Variants in CDH12 observed in about 807,000 individuals in gnomAD.
CDH12 encodes cadherin 12.
CDH12 carries 41 observed loss-of-function variants against 74.1 expected under a neutral mutation model. The ratio of observed to expected loss-of-function variants is 0.55; its 90% CI spans 0.43 to 0.72. The LOEUF (loss-of-function observed/expected upper bound fraction) is 0.72, where lower values mean the gene tolerates loss of function less well. CDH12 is among the 30% of genes least tolerant of loss of function. The probability of loss-of-function intolerance (pLI) is 0.00; values close to 1 mark genes in which losing one functional copy is unlikely to be tolerated. For synonymous variants in CDH12, 399 were observed against 355.0 expected (o/e 1.12, Z -1.39); for missense variants, 945 against 977.2 (o/e 0.97, Z 0.44).
At chr5:22,831,888 C>G (rs763507554) in intron 1 of CDH12, among the ~76,000 whole-genome samples, 3 of 151,880 alleles carry the variant, frequency 2.0e-5, no homozygotes, top group Admixed American at 6.6e-5. Flanking sequence ...CAAAGCAAGA[C>G]TCTGTCCCCC....
At chr5:22,737,912 A>T (rs1284054302) in intron 1 of CDH12, among the ~76,000 whole-genome samples, 1 of 152,062 alleles carries the variant, frequency 6.6e-6, no homozygotes, top group African/African-American at 2.4e-5. Context: ...GTTATTGGAA[A>T]GCCTTTGTCC....
intron 4 of CDH12, among the ~76,000 whole-genome samples, chr5:22,127,169 G>A (rs1403566438): frequency 6.6e-6 from 1 of 152,080 alleles, no homozygotes; most frequent in East Asian, 1.9e-4. Flanking sequence ...TGAGCTATAA[G>A]AAGAGAGAAG....
intron 8 of CDH12, 97 bp downstream of exon 8, chr5:21,842,064 G>A: frequency 1.1e-6 from 1 of 918,992 alleles, no homozygotes; most frequent in Non-Finnish European, 1.7e-6. Context: ...TAAAGACTAA[G>A]TGTCTGGAAA....
chr5:22,475,650 A>G (rs548024962), intron 2 of CDH12, among the ~76,000 whole-genome samples: 10 of 152,136 alleles, frequency 6.6e-5, no homozygotes, highest in African/African-American at 2.4e-4. Flanking sequence ...ATGCAAAATC[A>G]CTAGACTTCT....
intron 2 of CDH12, among the ~76,000 whole-genome samples, chr5:22,428,834 A>G (rs551717192): frequency 3.9e-5 from 6 of 152,244 alleles, no homozygotes; most frequent in African/African-American, 1.4e-4. Context: ...AAAATCCTCT[A>G]TGAAACTGGG....
At chr5:22,733,982 C>T (rs1354273236) in intron 1 of CDH12, among the ~76,000 whole-genome samples, 1 of 151,926 alleles carries the variant, frequency 6.6e-6, no homozygotes, top group African/African-American at 2.4e-5. Flanking sequence ...GTTTCCCATC[C>T]TCCAGCCAGG....
intron 1 of CDH12, among the ~76,000 whole-genome samples, chr5:22,626,830 A>G (rs2126850291): frequency 6.6e-6 from 1 of 152,344 alleles, no homozygotes; most frequent in African/African-American, 2.4e-5. Context: ...GTTGAAGCCC[A>G]ATTTAAAGAA....
chr5:21,751,748 T>A lies in CDH12; in HGVS notation c.2374A>T (p.Lys792Ter). The A allele has an allele frequency of 6.2e-7, 1 of 1,612,156 alleles. No individual in the cohort carries two copies. The highest frequency in any genetic ancestry group is 8.5e-7 in the Non-Finnish European group (1 of 1,179,112). ...FGEEESYNPD[K>*]VT Reference sequence around the variant, plus strand: ...CCTCCACGACTCCCTTAAGTGACTTTATCAGGGTTATAACTCTCTTCTTCG... The same window carrying A: ...CCTCCACGACTCCCTTAAGTGACTTAATCAGGGTTATAACTCTCTTCTTCG... Residue 792 changes from lysine to a stop codon, truncating the protein, a stop_gained, in exon 15 of 15, where the codon AAA (lysine) becomes TAA (stop). Transcript: ENST00000382254. LOFTEE classifies it high-confidence loss of function.
chr5:22,384,525 CAA>C (rs754149045), intron 3 of CDH12, among the ~76,000 whole-genome samples: 1 of 68,814 alleles, frequency 1.5e-5, no homozygotes. Context: ...AACTCCGTCT[CAA>C]AAAAAAAAAA....
intron 1 of CDH12, among the ~76,000 whole-genome samples, chr5:22,755,386 T>G (rs1024639416): frequency 6.6e-6 from 1 of 152,168 alleles, no homozygotes; most frequent in Admixed American, 6.5e-5. Flanking sequence ...GGTAAATTGT[T>G]CAGCTTTATG....
chr5:22,751,320 G>GATATATATATATAATATACATAT lies in CDH12; in HGVS notation c.-523+101715_-523+101737dup, dbSNP rs1745561107. ...ATCAAAAATAGAATTATTAAACTGT[G>GATATATATATATAATATACATAT]ATATATATATATAATATACATATAT... On this transcript the variant is annotated intron_variant, in intron 1 of 14. Transcript: ENST00000382254. Among the ~76,000 whole-genome samples the GATATATATATATAATATACATAT allele has an allele frequency of 2.0e-4, 22 of 112,146 alleles. 2 individuals carry two copies. The South Asian group carries it at 6.6e-3, about 34-fold the overall frequency. The allele number at this position is 112,146 out of a possible 152,430, so 73.6% of individuals were successfully genotyped here.
chr5:22,377,361 G>T (rs1741572992), intron 3 of CDH12, among the ~76,000 whole-genome samples: 2 of 152,142 alleles, frequency 1.3e-5, no homozygotes, highest in Admixed American at 1.3e-4. Flanking sequence ...GCTCAACAAG[G>T]TCGCCAATGA....
chr5:22,311,007 TA>T (rs1157181022), intron 3 of CDH12, among the ~76,000 whole-genome samples: 1 of 152,240 alleles, frequency 6.6e-6, no homozygotes, highest in Non-Finnish European at 1.5e-5. Context: ...TAGCTGGTAA[TA>T]CCTTTACTTT....
At chr5:22,430,576 A>G (rs942525201) in intron 2 of CDH12, among the ~76,000 whole-genome samples, 4 of 152,266 alleles carry the variant, frequency 2.6e-5, no homozygotes, top group African/African-American at 9.6e-5. Flanking sequence ...TGAGTGCTGC[A>G]GTTATTGAAA....
chr5:22,094,131 A>T (rs567181525), intron 4 of CDH12, among the ~76,000 whole-genome samples: 9 of 152,146 alleles, frequency 5.9e-5, no homozygotes, highest in Non-Finnish European at 1.2e-4. Context: ...TCAAGAGGCA[A>T]ACCGTTACAC....
intron 2 of CDH12, among the ~76,000 whole-genome samples, chr5:22,476,157 A>G (rs967277266): frequency 6.6e-6 from 1 of 151,920 alleles, no homozygotes. Context: ...CTATCTACTT[A>G]CCCTGTTTGG....
At chr5:21,821,787 A>G (rs1309842813) in intron 8 of CDH12, among the ~76,000 whole-genome samples, 2 of 152,106 alleles carry the variant, frequency 1.3e-5, no homozygotes, top group Non-Finnish European at 2.9e-5. Flanking sequence ...GCACTGAACT[A>G]TTGATTCAGT....
rs1738516137 is a variant in CDH12, at chr5:22,630,282, CA to C, written c.-522-124919del. ...AACTATTCTAAAATTCATATGGAAC[CA>C]AAAAAGGGCCCAAATAGCCAAAGCA... On this transcript the variant is annotated intron_variant, in intron 1 of 14. Coordinates refer to ENST00000382254, the MANE Select transcript of CDH12 (RefSeq NM_004061.5). Among the ~76,000 whole-genome samples the C allele has an allele frequency of 2.0e-5, 3 of 151,912 alleles. No homozygotes were observed. The South Asian group carries it at 6.2e-4, about 32-fold the overall frequency.
chr5:21,821,706 A>G (rs1031745589), intron 8 of CDH12, among the ~76,000 whole-genome samples: 1 of 151,874 alleles, frequency 6.6e-6, no homozygotes, highest in African/African-American at 2.4e-5. Context: ...AAAAACATAC[A>G]CTTGATTCCA....
Sources: allele counts gnomAD v4.1 joint callset (sites outside exome capture counted in the v4.1 genomes callset), GRCh38; gene constraint gnomAD v4.1.1; transcripts MANE v1.5; gene names NCBI Gene and HGNC (gene_info 2026-07-23, HGNC 2026-07-21).